DIP2C: variants seen among roughly 807,000 people sequenced by gnomAD.
DIP2C encodes the protein disco-interacting protein 2 homolog C.
In DIP2C, 33 loss-of-function variants were observed where a neutral mutation model predicts 192.4. The ratio of observed to expected loss-of-function variants is 0.17; its 90% confidence interval spans 0.13 to 0.23. The LOEUF (loss-of-function observed/expected upper bound fraction) is 0.23, where lower values mean the gene tolerates loss of function less well. DIP2C is among the 10% of genes least tolerant of loss of function. The pLI, the probability that DIP2C is intolerant of heterozygous loss-of-function variation, is 1.00. For synonymous variants in DIP2C, 979 were observed against 864.1 expected (o/e 1.13, Z -2.33); for missense variants, 1,537 against 2,110.1 (o/e 0.73, Z 5.32).
chr10:401,982 G>A (rs1172719091), intron 9 of DIP2C, among the ~76,000 whole-genome samples: 1 of 142,320 alleles, frequency 7.0e-6, no homozygotes, highest in Non-Finnish European at 1.5e-5. Flanking sequence ...CATAAATCCT[G>A]TGATTTTACA....
In DIP2C at chr10:497,409, C is replaced by T. The variant is rs139007535; in HGVS notation, c.86-10879G>A. Among the ~76,000 whole-genome samples, 325 of 152,336 alleles carry T rather than the reference C, an allele frequency of 2.1e-3. 1 individual carries two copies. The highest frequency in any genetic ancestry group is 7.4e-3 in the African/African-American group (309 of 41,572). On this transcript the variant is annotated intron_variant, in intron 1 of 36. Coordinates refer to ENST00000280886, the MANE Select transcript of DIP2C (RefSeq NM_014974.3). ...ACAGGCTCTCCCCTCCCACACCCCT[C>T]ATTACTTCCTGGTCATTCTGCTGTG... is the stretch of plus-strand genomic sequence containing the variant.
At position 615,614 on chromosome 10, in the gene DIP2C, T is replaced by C. The variant is rs574118764; in HGVS notation, c.85+73880A>G. Among the ~76,000 whole-genome samples, 24 of 150,646 alleles carry C rather than the reference T, an allele frequency of 1.6e-4. No individual in the cohort carries two copies. In the East Asian group the frequency reaches 3.1e-3, roughly 19 times the overall value. ...ATGCCAGAAGAGATGTAGGTTCATA[T>C]ACACACACACACCCGCCCCACACAC... On this transcript the variant is annotated intron_variant, in intron 1 of 36. Coordinates refer to ENST00000280886, the MANE Select transcript of DIP2C (RefSeq NM_014974.3).
chr10:457,063 C>T (rs1338366962), intron 3 of DIP2C, among the ~76,000 whole-genome samples: 2 of 152,146 alleles, frequency 1.3e-5, no homozygotes, highest in Admixed American at 6.5e-5. Flanking sequence ...CCTCCAATTA[C>T]GGCACAATGG....
intron 1 of DIP2C, among the ~76,000 whole-genome samples, chr10:568,114 CTTG>C (rs1186960429): frequency 1.3e-5 from 2 of 152,204 alleles, no homozygotes; most frequent in African/African-American, 4.8e-5. Context: ...TCCACTCAGC[CTTG>C]TTGTGTTGGC....
At chr10:279,013 G>GGA in intron 36 of DIP2C, among the ~76,000 whole-genome samples, 1 of 152,276 alleles carries the variant, frequency 6.6e-6, no homozygotes, top group Admixed American at 6.5e-5. Flanking sequence ...GTTCTAAGTG[G>GGA]GAGAGTAAGT....
chr10:291,144 G>A (rs954959054), intron 32 of DIP2C, among the ~76,000 whole-genome samples: 3 of 152,212 alleles, frequency 2.0e-5, no homozygotes, highest in African/African-American at 7.2e-5. Flanking sequence ...GCTCTGGGCA[G>A]GTGTGTGCTG....
At chr10:607,746 C>A (rs1309320288) in intron 1 of DIP2C, among the ~76,000 whole-genome samples, 2 of 152,124 alleles carry the variant, frequency 1.3e-5, no homozygotes, top group Non-Finnish European at 2.9e-5. Flanking sequence ...ATCTGTATTG[C>A]GGCTTCTGTC....
At chr10:357,798 G>C in intron 23 of DIP2C, 30 bp downstream of exon 23, 1 of 1,563,386 alleles carries the variant, frequency 6.4e-7, no homozygotes. Flanking sequence ...GTCGGGGACG[G>C]TCGGGGAGAC....
rs1477706313 is a variant in DIP2C, at chr10:417,775, T to C, written c.739+1290A>G. On this transcript the variant is annotated intron_variant, in intron 6 of 36. Transcript: ENST00000280886. ...ATAGGCATCCCTGTCCACCTGCACCTGTCAGGGCTCGGATAGGCCTCCCTG... is the reference window on the plus strand; with the variant it reads ...ATAGGCATCCCTGTCCACCTGCACCCGTCAGGGCTCGGATAGGCCTCCCTG... 1.6e-5 allele frequency among the ~76,000 whole-genome samples: 2 copies of C among 121,446 alleles called. 1 individual carries two copies. Among genetic ancestry groups the C allele is most frequent in the African/African-American group, 7.1e-5 (2 of 28,118 alleles). The allele number at this position is 121,446 out of a possible 152,430, so 79.7% of individuals were successfully genotyped here. A position where few individuals can be genotyped will look rare whatever the true frequency, so the allele number is the denominator to read the frequency against.
chr10:391,390 A>G (rs1963444251), intron 10 of DIP2C, among the ~76,000 whole-genome samples: 1 of 152,238 alleles, frequency 6.6e-6, no homozygotes. Context: ...CCTCACCCTG[A>G]GCAGCCCAGT....
chr10:418,327 G>T (rs1021177394), intron 6 of DIP2C, among the ~76,000 whole-genome samples: 7 of 150,652 alleles, frequency 4.6e-5, no homozygotes, highest in Non-Finnish European at 4.4e-5. Flanking sequence ...TGTCCACTGT[G>T]CCTGTCGGGG....
At chr10:541,147 A>G (rs529553118) in intron 1 of DIP2C, among the ~76,000 whole-genome samples, 2 of 151,954 alleles carry the variant, frequency 1.3e-5, no homozygotes, top group South Asian at 4.2e-4. Context: ...GATGCTTGGG[A>G]GGCACCTGGG....
chr10:665,679 C>T (rs1314124917), intron 1 of DIP2C: 1 of 152,328 alleles, frequency 6.6e-6, no homozygotes, highest in Admixed American at 6.5e-5. Context: ...GAACCAAACG[C>T]TACGCGAAAC....
intron 22 of DIP2C, among the ~76,000 whole-genome samples, chr10:358,317 C>T (rs537981684): frequency 1.1e-4 from 17 of 151,368 alleles, no homozygotes; most frequent in African/African-American, 3.2e-4. Flanking sequence ...CTGTGGCTCC[C>T]GTCTGTTCGA....
chr10:446,140 G>A (rs547417781), intron 3 of DIP2C, among the ~76,000 whole-genome samples: 1 of 151,462 alleles, frequency 6.6e-6, no homozygotes, highest in African/African-American at 2.4e-5. Context: ...GTTGTGAAGA[G>A]TCTCACCGTT....
chr10:586,307 C>T (rs1212139736), intron 1 of DIP2C, among the ~76,000 whole-genome samples: 1 of 152,188 alleles, frequency 6.6e-6, no homozygotes, highest in Non-Finnish European at 1.5e-5. Context: ...TGGCTGGGAT[C>T]CAAGTGCAGG....
chr10:628,576 T>TGCGGCACAGGCGGAAGGCGGGGAC (rs1854327905), intron 1 of DIP2C: 2 of 152,378 alleles, frequency 1.3e-5, no homozygotes, highest in Admixed American at 6.5e-5. Flanking sequence ...GCACAGACCA[T>TGCGGCACAGGCGGAAGGCGGGGAC]GCGGCACAGG....
At chr10:465,516 T>G (rs1365777345) in intron 3 of DIP2C, among the ~76,000 whole-genome samples, 2 of 151,990 alleles carry the variant, frequency 1.3e-5, no homozygotes, top group Admixed American at 1.3e-4. Context: ...CTATTCAACA[T>G]AGTGTTGGAA....
chr10:530,160 C>A (rs944165445), intron 1 of DIP2C, among the ~76,000 whole-genome samples: 1 of 152,216 alleles, frequency 6.6e-6, no homozygotes, highest in Non-Finnish European at 1.5e-5. Flanking sequence ...TTCCACAGGG[C>A]GACTTTGCTT....
Sources: gnomAD v4.1 joint callset for allele counts (sites outside exome capture counted in the v4.1 genomes callset) on GRCh38, gnomAD v4.1.1 for gene constraint, MANE v1.5 for transcripts, NCBI Gene and HGNC (gene_info 2026-07-23, HGNC 2026-07-21) for gene names.